ADAD1: variants seen among roughly 807,000 people sequenced by gnomAD.
The protein encoded by ADAD1 is adenosine deaminase domain-containing protein 1.
In ADAD1, 46 loss-of-function variants were observed where a neutral mutation model predicts 66.8. The observed-to-expected ratio is 0.69, with a 90% CI of 0.54 to 0.88. ADAD1 has a LOEUF of 0.88. Among genes scored for constraint, ADAD1 ranks in the 40% least tolerant of loss-of-function variants. The pLI is 0.00. For missense variants in ADAD1, 617 were observed against 681.8 expected (o/e 0.91, Z 1.06); for synonymous variants, 248 against 229.4 (o/e 1.08, Z -0.73).
At chr4:122,379,543 A>T (rs1402098655) in intron 2 of ADAD1, 98 bp downstream of exon 2, 1 of 153,342 alleles carries the variant, frequency 6.5e-6, no homozygotes, top group Non-Finnish European at 1.5e-5. Context: ...GACCCTGTGA[A>T]CCTCGCGCAG....
chr4:122,379,979 TG>T (rs1003914509), intron 2 of ADAD1, 82 bp from the exon 3 acceptor site: 34 of 1,343,444 alleles, frequency 2.5e-5, no homozygotes, highest in East Asian at 2.5e-4. Flanking sequence ...ATGGAAATAA[TG>T]GGGGGGTGGG....
chr4:122,380,929 G>C, intron 3 of ADAD1, 63 bp from the exon 4 acceptor site: 1 of 1,430,602 alleles, frequency 7.0e-7, no homozygotes, highest in Non-Finnish European at 9.5e-7. Context: ...AGGATTTATT[G>C]CTTTTGCTCA....
In ADAD1 at chr4:122,407,955, A is replaced by C; in HGVS notation, c.772A>C (p.Ser258Arg). The C allele has an allele frequency of 6.2e-7, 1 of 1,613,860 alleles. No homozygotes were observed. Among genetic ancestry groups the C allele is most frequent in the Non-Finnish European group, 8.5e-7 (1 of 1,179,830 alleles). ...TATAGGCACAGGTGAATACAATTACAGCCAGGACATTAAGCCAGATGGAAG... is the reference window on the plus strand; with the variant it reads ...TATAGGCACAGGTGAATACAATTACCGCCAGGACATTAAGCCAGATGGAAG... ...VAIGTGEYNY[S>R]QDIKPDGRVL... The change falls in exon 8 of 13, where the codon AGC (serine) becomes CGC (arginine). Residue 258 changes from serine to arginine, a missense_variant. Transcript: ENST00000296513.
In ADAD1 at chr4:122,395,501, T is replaced by C. The variant is rs530431632; in HGVS notation, c.599-751T>C. Among the ~76,000 whole-genome samples the C allele has an allele frequency of 1.1e-4, 17 of 151,778 alleles. No individual in the cohort carries two copies. In the East Asian group the frequency reaches 3.4e-3, roughly 30 times the overall value. ...TTCAAGACCAGTCTGGCCAATATGG[T>C]GAAACCCTGTCTCTACTAAAAATAC... On this transcript the variant is annotated intron_variant, in intron 6 of 12. Transcript: ENST00000296513.
intron 7 of ADAD1, among the ~76,000 whole-genome samples, chr4:122,401,108 C>T (rs1285994883): frequency 6.6e-6 from 1 of 151,974 alleles, no homozygotes; most frequent in East Asian, 1.9e-4. Flanking sequence ...TCTGTTTGTG[C>T]CCTTTCAGAC....
chr4:122,385,925 C>A (rs1162828586), intron 5 of ADAD1, among the ~76,000 whole-genome samples: 1 of 152,132 alleles, frequency 6.6e-6, no homozygotes, highest in East Asian at 1.9e-4. Context: ...ACCATATTTT[C>A]TTTATCCATT....
chr4:122,380,971 A>G (rs774139371), intron 3 of ADAD1, 21 bp from the exon 4 acceptor site: 4 of 1,558,386 alleles, frequency 2.6e-6, no homozygotes, highest in Non-Finnish European at 3.4e-6. Context: ...CCAAATTGAC[A>G]AGTATAACAT....
At chr4:122,425,906 T>TA (rs1797212352) in intron 12 of ADAD1, among the ~76,000 whole-genome samples, 1 of 151,932 alleles carries the variant, frequency 6.6e-6, no homozygotes, top group East Asian at 1.9e-4. Flanking sequence ...AAAAGAATCT[T>TA]AAAAATCAGT....
At chr4:122,406,772 A>AT (rs1203714524) in intron 7 of ADAD1, among the ~76,000 whole-genome samples, 1 of 151,822 alleles carries the variant, frequency 6.6e-6, no homozygotes, top group Admixed American at 6.6e-5. Context: ...TGCACGTGTT[A>AT]TTTCTTTTGG....
At chr4:122,400,402 A>G (rs1262440029) in intron 7 of ADAD1, among the ~76,000 whole-genome samples, 1 of 152,016 alleles carries the variant, frequency 6.6e-6, no homozygotes, top group Non-Finnish European at 1.5e-5. Context: ...GGATTCAGTT[A>G]GCTAGTATTT....
At chr4:122,428,184 A>G (rs1348740985) in intron 12 of ADAD1, among the ~76,000 whole-genome samples, 3 of 152,150 alleles carry the variant, frequency 2.0e-5, no homozygotes, top group Non-Finnish European at 4.4e-5. Context: ...CAAATAAAAT[A>G]TGAGAAAATA....
rs1308685280 is a variant in ADAD1 at position 122,412,674 on chromosome 4, T to C, written c.1114T>C (p.Cys372Arg). 4 of 1,613,822 alleles carry C rather than the reference T, an allele frequency of 2.5e-6. No individual in the cohort carries two copies. The highest frequency in any genetic ancestry group is 3.4e-6 in the Non-Finnish European group (4 of 1,179,832). ...AGGCAAAATTTATCTGACTGTTTAC[T>C]GTCCTAAAGATGGTGTTAATAGAAT... ...VEGKIYLTVYCPKDGVNRISS... is the reference protein window; with the variant it reads ...VEGKIYLTVYRPKDGVNRISS... The change falls in exon 10 of 13, where the codon TGT becomes CGT. Residue 372 changes from cysteine to arginine, a missense_variant. By Grantham distance (180) the Cys-to-Arg change is radical. Coordinates refer to ENST00000296513, the MANE Select transcript of ADAD1 (RefSeq NM_139243.4).
chr4:122,380,430 G>A (rs1483102844), intron 3 of ADAD1, 189 bp downstream of exon 3: 2 of 653,082 alleles, frequency 3.1e-6, no homozygotes, highest in Non-Finnish European at 5.0e-6. Flanking sequence ...TGTGCCGCTC[G>A]TTTAACCATC....
chr4:122,425,540 T>C (rs1187761992), intron 12 of ADAD1, among the ~76,000 whole-genome samples: 1 of 151,672 alleles, frequency 6.6e-6, no homozygotes, highest in African/African-American at 2.4e-5. Flanking sequence ...TTTGTATCCA[T>C]AAGTTATGCA....
At chr4:122,417,799 G>A (rs1037725995) in intron 11 of ADAD1, among the ~76,000 whole-genome samples, 2 of 152,164 alleles carry the variant, frequency 1.3e-5, no homozygotes, top group East Asian at 3.8e-4. Context: ...TAGAAGCAAT[G>A]TAGACATATT....
At chr4:122,422,778 G>A (rs1159477093) in intron 12 of ADAD1, among the ~76,000 whole-genome samples, 1 of 151,844 alleles carries the variant, frequency 6.6e-6, no homozygotes, top group Non-Finnish European at 1.5e-5. Context: ...ATTAAAAAGT[G>A]TGTATTCCTC....
In ADAD1 at chr4:122,396,617, A is replaced by G. The variant is rs1795730345; in HGVS notation, c.724+240A>G. ...CATTTTAAACCTTAGCCCTGCTGGCATCACTACCCTTCTGAAATCTAGTCC... is the reference window on the plus strand; with the variant it reads ...CATTTTAAACCTTAGCCCTGCTGGCGTCACTACCCTTCTGAAATCTAGTCC... On this transcript the variant is annotated intron_variant, in intron 7 of 12. Transcript: ENST00000296513. Among the ~76,000 whole-genome samples the G allele has an allele frequency of 3.3e-5, 5 of 152,336 alleles. No individual in the cohort carries two copies. In the South Asian group the frequency reaches 8.3e-4, roughly 25 times the overall value.
At chr4:122,422,149 G>C (rs1434959762) in intron 12 of ADAD1, among the ~76,000 whole-genome samples, 1 of 136,034 alleles carries the variant, frequency 7.4e-6, no homozygotes, top group African/African-American at 2.8e-5. Context: ...TTTTGAGATG[G>C]AGTCTCACTC....
At chr4:122,428,153 G>C (rs1045679708) in intron 12 of ADAD1, among the ~76,000 whole-genome samples, 1 of 151,954 alleles carries the variant, frequency 6.6e-6, no homozygotes, top group African/African-American at 2.4e-5. Flanking sequence ...CTAACTGTAA[G>C]AGCTAAAACT....
Sources: gnomAD v4.1 joint callset for allele counts (sites outside exome capture counted in the v4.1 genomes callset) on GRCh38, gnomAD v4.1.1 for gene constraint, MANE v1.5 for transcripts, NCBI Gene and HGNC (gene_info 2026-07-23, HGNC 2026-07-21) for gene names.